The following EPB41L4A variants were observed in gnomAD, a reference collection of about 807,000 sequenced individuals.
EPB41L4A encodes the protein erythrocyte membrane protein band 4.1 like 4A.
In EPB41L4A, 100 loss-of-function variants were observed where a neutral mutation model predicts 108.6. That is an observed-to-expected ratio of 0.92 (90% CI 0.78 to 1.09). The LOEUF is 1.09. EPB41L4A is among the 50% of genes least tolerant of loss of function. The pLI is 0.00. For missense variants in EPB41L4A, 1,030 were observed against 842.7 expected, an observed-to-expected ratio of 1.22 and a Z score of -2.75; for synonymous variants, 319 against 289.0, an observed-to-expected ratio of 1.10 and a Z score of -1.05.
At chr5:112,376,581 T>G (rs1338176702) in intron 1 of EPB41L4A, among the ~76,000 whole-genome samples, 3 of 152,218 alleles carry the variant, frequency 2.0e-5, no homozygotes, top group Non-Finnish European at 4.4e-5. Context: ...AACCTGTACA[T>G]GAGTGATCAC....
intron 1 of EPB41L4A, among the ~76,000 whole-genome samples, chr5:112,349,902 C>T (rs1204528409): frequency 6.6e-6 from 1 of 152,150 alleles, no homozygotes; most frequent in Non-Finnish European, 1.5e-5. Flanking sequence ...GATGACATGG[C>T]CCAAAGTTAG....
rs1351728741 is a variant in EPB41L4A at position 112,392,350 on chromosome 5, C to T, written c.99+26591G>A. On this transcript the variant is annotated intron_variant, in intron 1 of 22. Transcript: ENST00000261486. Reference sequence around the variant, plus strand: ...GACACATCTCACATGCAGAGACACACATAGGCTCAAAATAAAGGGATGGAG... The same window carrying T: ...GACACATCTCACATGCAGAGACACATATAGGCTCAAAATAAAGGGATGGAG... Among the ~76,000 whole-genome samples, 5 of 118,088 alleles carry T rather than the reference C, an allele frequency of 4.2e-5. No individual in the cohort carries two copies. In the South Asian group the frequency reaches 1.5e-3, roughly 35 times the overall value. 77.5% of individuals were successfully genotyped at this position (118,088 alleles called of 152,430 possible).
intron 1 of EPB41L4A, among the ~76,000 whole-genome samples, chr5:112,388,393 G>A (rs761099229): frequency 6.6e-6 from 1 of 152,106 alleles, no homozygotes; most frequent in Non-Finnish European, 1.5e-5. Flanking sequence ...TGGCTCTCAG[G>A]CTCCTCTATG....
chr5:112,345,240 C>A (rs1469915266), intron 1 of EPB41L4A, among the ~76,000 whole-genome samples: 1 of 152,102 alleles, frequency 6.6e-6, no homozygotes, highest in East Asian at 1.9e-4. Flanking sequence ...TTGACACATA[C>A]ACAAAAAATC....
chr5:112,297,745 CTAGAATTTTTATAGTTT>C (rs1428608183), intron 2 of EPB41L4A, among the ~76,000 whole-genome samples: 2 of 152,238 alleles, frequency 1.3e-5, no homozygotes, highest in African/African-American at 4.8e-5. Context: ...ATGTTATCTT[CTAGAATTTTTATAGTTT>C]TAAGTCTTAA....
intron 17 of EPB41L4A, among the ~76,000 whole-genome samples, chr5:112,192,624 G>A (rs1031087791): frequency 3.3e-5 from 5 of 152,104 alleles, no homozygotes; most frequent in African/African-American, 4.8e-5. Context: ...GGAAAAAGGG[G>A]GAAGAAACTC....
chr5:112,396,650 G>C (rs1271903562), intron 1 of EPB41L4A, among the ~76,000 whole-genome samples: 1 of 152,142 alleles, frequency 6.6e-6, no homozygotes, highest in Non-Finnish European at 1.5e-5. Context: ...CTGGCTATTG[G>C]CAAGAACTCT....
At chr5:112,166,803 A>G (rs191029352) in intron 22 of EPB41L4A, among the ~76,000 whole-genome samples, 1 of 152,354 alleles carries the variant, frequency 6.6e-6, no homozygotes, top group Admixed American at 6.5e-5. Flanking sequence ...ACAACCCTTT[A>G]AAGGTGTAAA....
chr5:112,175,504 G>A (rs926854644), intron 18 of EPB41L4A: 5 of 151,878 alleles, frequency 3.3e-5, no homozygotes, highest in Admixed American at 6.6e-5. Context: ...TATTTGTTGC[G>A]GATAAAATAC....
chr5:112,218,748 T>G (rs999485510), intron 12 of EPB41L4A, among the ~76,000 whole-genome samples: 1 of 152,234 alleles, frequency 6.6e-6, no homozygotes, highest in African/African-American at 2.4e-5. Context: ...TGGGAAGTTT[T>G]TTGTCTGCTT....
At chr5:112,162,246 C>T (rs1211409576), downstream of EPB41L4A, 1 of 152,110 alleles carries the variant, frequency 6.6e-6, no homozygotes, top group South Asian at 2.1e-4. Flanking sequence ...GACATAATTA[C>T]CTGCTGGAGT....
intron 3 of EPB41L4A, among the ~76,000 whole-genome samples, chr5:112,278,154 T>C (rs965678243): frequency 4.6e-5 from 7 of 152,222 alleles, no homozygotes; most frequent in Admixed American, 3.3e-4. Flanking sequence ...GCCATTTTCC[T>C]TCACTATCAA....
chr5:112,380,818 CA>C (rs1376134329), intron 1 of EPB41L4A, among the ~76,000 whole-genome samples: 2 of 150,700 alleles, frequency 1.3e-5, no homozygotes, highest in Non-Finnish European at 3.0e-5. Flanking sequence ...CACACACACA[CA>C]CACACACACA....
chr5:112,152,224 T>C (rs957551724), intron 12 of EPB41L4A, among the ~76,000 whole-genome samples: 1 of 150,736 alleles, frequency 6.6e-6, no homozygotes, highest in Admixed American at 6.6e-5. Context: ...GAAAGAGAGA[T>C]GAAATGGAAG....
intron 2 of EPB41L4A, among the ~76,000 whole-genome samples, chr5:112,306,003 C>A (rs1387615522): frequency 6.6e-6 from 1 of 152,054 alleles, no homozygotes; most frequent in Admixed American, 6.6e-5. Context: ...TTTTGAAATT[C>A]TCTAGCTTTT....
At chr5:112,359,956 T>C (rs1434407216) in intron 1 of EPB41L4A, among the ~76,000 whole-genome samples, 1 of 152,234 alleles carries the variant, frequency 6.6e-6, no homozygotes, top group Admixed American at 6.5e-5. Context: ...AAAATTTTCA[T>C]CAGAACTCTA....
intron 9 of EPB41L4A, among the ~76,000 whole-genome samples, chr5:112,250,401 A>C (rs1750575274): frequency 6.6e-6 from 1 of 152,164 alleles, no homozygotes; most frequent in East Asian, 1.9e-4. Flanking sequence ...TTTTTCTGTG[A>C]TAGTTTTCTA....
At chr5:112,392,460 C>G (rs995396426) in intron 1 of EPB41L4A, among the ~76,000 whole-genome samples, 3 of 135,806 alleles carry the variant, frequency 2.2e-5, no homozygotes, top group African/African-American at 8.1e-5. Context: ...ATAAAACAGA[C>G]TTTAAACCAA....
intron 3 of EPB41L4A, among the ~76,000 whole-genome samples, chr5:112,279,967 GC>G (rs200754647): frequency 7.6e-6 from 1 of 130,720 alleles, no homozygotes; most frequent in African/African-American, 3.2e-5. Flanking sequence ...ATGTCTATTT[GC>G]CTTTTTTGTT....
Sources: allele counts gnomAD v4.1 joint callset (sites outside exome capture counted in the v4.1 genomes callset), GRCh38; gene constraint gnomAD v4.1.1; transcripts MANE v1.5; gene names NCBI Gene and HGNC (gene_info 2026-07-23, HGNC 2026-07-21).